RBMS3: variants seen among roughly 807,000 people sequenced by gnomAD.
RBMS3 encodes the protein RNA-binding motif, single-stranded-interacting protein 3.
RBMS3 carries 27 observed loss-of-function variants against 66.8 expected under a neutral mutation model. The observed-to-expected ratio is 0.40, with a 90% confidence interval of 0.30 to 0.56. The LOEUF (loss-of-function observed/expected upper bound fraction) is 0.56. RBMS3 is among the 20% of genes least tolerant of loss of function. The pLI, the probability that RBMS3 is intolerant of heterozygous loss-of-function variation, is 0.40. For missense variants in RBMS3, 513 were observed against 549.5 expected, an observed-to-expected ratio of 0.93 and a Z score of 0.66; for synonymous variants, 188 against 183.0, an observed-to-expected ratio of 1.03 and a Z score of -0.22.
At chr3:29,896,038 G>T (rs147558400) in intron 8 of RBMS3, among the ~76,000 whole-genome samples, 73 of 151,472 alleles carry the variant, frequency 4.8e-4, no homozygotes, top group African/African-American at 1.8e-3. Flanking sequence ...TGTATGATGG[G>T]ATAATTTTTT....
chr3:29,890,698 G>T (rs928925932), intron 8 of RBMS3, among the ~76,000 whole-genome samples: 1 of 151,370 alleles, frequency 6.6e-6, no homozygotes, highest in Non-Finnish European at 1.5e-5. Context: ...AAACTATTGC[G>T]ATTAAACCAC....
intron 7 of RBMS3, among the ~76,000 whole-genome samples, chr3:29,881,793 G>C (rs1406508969): frequency 6.6e-6 from 1 of 152,098 alleles, no homozygotes; most frequent in Admixed American, 6.5e-5. Flanking sequence ...GAACAAACAA[G>C]CATGGCATAA....
rs146955065 is a variant in RBMS3 at position 29,938,353 on chromosome 3, G to A, written c.1050+2157G>A. Among the ~76,000 whole-genome samples, 952 of 151,962 alleles carry A rather than the reference G, an allele frequency of 6.3e-3. 9 individuals carry two copies. The highest frequency in any genetic ancestry group is 0.021 in the African/African-American group (892 of 41,504). On this transcript the variant is annotated intron_variant, in intron 11 of 14. Transcript: ENST00000383767. ...TAGAGAGTAAAAGTTTTAAGCATATGATTTATTATTAATACCAAATTTCCA... is the reference window on the plus strand; with the variant it reads ...TAGAGAGTAAAAGTTTTAAGCATATAATTTATTATTAATACCAAATTTCCA...
Position 29,281,335 on chromosome 3 carries a change from T to A in RBMS3, c.-347T>A. 1 of 294,252 alleles carries A rather than the reference T, an allele frequency of 3.4e-6. No individual in the cohort carries two copies. The allele number at this position is 294,252 out of a possible 1,614,324, so 18.2% of individuals were successfully genotyped here. On this transcript the variant is annotated 5_prime_UTR_variant, in exon 1 of 15. Transcript: ENST00000383767. ...GATTTTTTTCCCCCTTTACGAACGC[T>A]GGCAATTGACATCACTACAGACAGC...
At chr3:29,943,323 C>T (rs2061435278) in intron 11 of RBMS3, among the ~76,000 whole-genome samples, 1 of 151,836 alleles carries the variant, frequency 6.6e-6, no homozygotes, top group African/African-American at 2.4e-5. Flanking sequence ...GAGTTTACCC[C>T]TCCAAGGGGA....
At chr3:29,977,956 AAG>A (rs1417672744) in intron 12 of RBMS3, among the ~76,000 whole-genome samples, 1 of 151,944 alleles carries the variant, frequency 6.6e-6, no homozygotes, top group Non-Finnish European at 1.5e-5. Context: ...TGGTTTCAAT[AAG>A]TAATCTGTGA....
intron 5 of RBMS3, among the ~76,000 whole-genome samples, chr3:29,761,038 C>T (rs192051951): frequency 6.8e-6 from 1 of 147,456 alleles, no homozygotes; most frequent in Admixed American, 6.7e-5. Flanking sequence ...CTTGTCATAG[C>T]AGGATCAGCT....
intron 1 of RBMS3, among the ~76,000 whole-genome samples, chr3:29,315,734 T>C (rs970087485): frequency 5.9e-5 from 9 of 151,720 alleles, no homozygotes; most frequent in African/African-American, 1.9e-4. Context: ...AACACACTAG[T>C]TGCTATATTT....
intron 6 of RBMS3, among the ~76,000 whole-genome samples, chr3:29,794,597 A>AAAC (rs759081262): frequency 7.2e-5 from 11 of 152,130 alleles, no homozygotes; most frequent in Non-Finnish European, 1.2e-4. Context: ...AAAAATAAAC[A>AAAC]AACAACAACA....
intron 6 of RBMS3, among the ~76,000 whole-genome samples, chr3:29,862,344 T>C (rs545565197): frequency 2.6e-5 from 4 of 152,292 alleles, no homozygotes; most frequent in Admixed American, 2.6e-4. Flanking sequence ...TCATGTATTA[T>C]CTATAACTAA....
chr3:29,722,296 C>T (rs1234386461), intron 4 of RBMS3, among the ~76,000 whole-genome samples: 2 of 151,506 alleles, frequency 1.3e-5, no homozygotes, highest in Admixed American at 6.6e-5. Context: ...ACATCTCTTA[C>T]ATTTGCTTTA....
intron 8 of RBMS3, 84 bp from the exon 9 acceptor site, chr3:29,897,295 T>G (rs1215216339): frequency 2.4e-6 from 3 of 1,224,632 alleles, no homozygotes; most frequent in Non-Finnish European, 3.6e-6. Context: ...AAATATGTCT[T>G]TCCCATAGGT....
intron 3 of RBMS3, among the ~76,000 whole-genome samples, chr3:29,548,820 T>C (rs2046072412): frequency 6.6e-6 from 1 of 151,998 alleles, no homozygotes; most frequent in African/African-American, 2.4e-5. Context: ...CTTAACCCAA[T>C]ATTTCTACCA....
Position 29,862,663 on chromosome 3 carries a change from A to G in RBMS3, c.638-6195A>G, listed in dbSNP as rs187204823. Among the ~76,000 whole-genome samples the G allele has an allele frequency of 3.2e-3, 483 of 152,040 alleles. 1 individual carries two copies. Among genetic ancestry groups the G allele is most frequent in the African/African-American group, 0.011 (453 of 41,462 alleles). On this transcript the variant is annotated intron_variant, in intron 6 of 14. Coordinates refer to ENST00000383767, the MANE Select transcript of RBMS3 (RefSeq NM_001003793.3). ...TTCGGAAAAGAAATTCCAGGCAGGG[A>G]GGAACTGCCCTTAGAAGTGACGAGA...
chr3:29,752,631 G>A (rs1356404696), intron 5 of RBMS3, among the ~76,000 whole-genome samples: 1 of 152,084 alleles, frequency 6.6e-6, no homozygotes, highest in African/African-American at 2.4e-5. Context: ...TAAACATATA[G>A]ACATACAGGA....
intron 4 of RBMS3, among the ~76,000 whole-genome samples, chr3:29,588,943 T>G (rs2047629274): frequency 6.6e-6 from 1 of 152,110 alleles, no homozygotes; most frequent in East Asian, 1.9e-4. Context: ...AAAAAGTTGT[T>G]ATTGGAATTT....
chr3:29,740,913 T>C (rs556447829), intron 5 of RBMS3, among the ~76,000 whole-genome samples: 2 of 151,938 alleles, frequency 1.3e-5, no homozygotes, highest in African/African-American at 4.8e-5. Context: ...TGGTGGCACA[T>C]GGCTGTAGTC....
intron 4 of RBMS3, among the ~76,000 whole-genome samples, chr3:29,730,287 T>A (rs1254488250): frequency 8.0e-6 from 1 of 125,572 alleles, no homozygotes; most frequent in Non-Finnish European, 1.6e-5. Context: ...CCAGGAGTCA[T>A]CATTTGTGCT....
chr3:29,610,609 G>A (rs1453056547), intron 4 of RBMS3, among the ~76,000 whole-genome samples: 1 of 151,990 alleles, frequency 6.6e-6, no homozygotes, highest in Non-Finnish European at 1.5e-5. Flanking sequence ...CACACTGTTA[G>A]CCTCATAACT....
Sources: allele counts gnomAD v4.1 joint callset (sites outside exome capture counted in the v4.1 genomes callset), GRCh38; gene constraint gnomAD v4.1.1; transcripts MANE v1.5; gene names NCBI Gene and HGNC (gene_info 2026-07-23, HGNC 2026-07-21).